EPRS1: variants seen among roughly 807,000 people sequenced by gnomAD.
EPRS1 encodes the protein glutamyl-prolyl-tRNA synthetase 1, also known as bifunctional glutamate/proline--tRNA ligase.
A neutral mutation model predicts 188.3 loss-of-function variants in EPRS1; 107 were observed. The observed-to-expected ratio is 0.57, with a 90% CI of 0.49 to 0.67. The LOEUF is 0.67. Ranked by LOEUF, EPRS1 falls within the 30% of genes least tolerant of loss-of-function variation. EPRS1 has a pLI of 0.00. For synonymous variants in EPRS1, 596 were observed against 593.1 expected, an observed-to-expected ratio of 1.00 and a Z score of -0.07; for missense variants, 1,577 against 1,802.2, an observed-to-expected ratio of 0.88 and a Z score of 2.26.
intron 18 of EPRS1, among the ~76,000 whole-genome samples, chr1:219,993,649 T>C (rs757369077): frequency 6.6e-5 from 10 of 152,200 alleles, no homozygotes; most frequent in Non-Finnish European, 1.3e-4. Flanking sequence ...GAAAACTGAA[T>C]AGTTAAGAAG....
chr1:219,988,792 A>G lies in EPRS1; in HGVS notation c.2573T>C (p.Leu858Pro), dbSNP rs763318858. 1.7e-5 allele frequency: 27 copies of G among 1,610,974 alleles called. No individual in the cohort carries two copies. Residue 858 changes from leucine to proline, a missense_variant, in exon 19 of 32, where the codon CTG becomes CCG. Transcript: ENST00000366923. ...TTCTTTATACTGAGCCTTCAGGGAC[A>G]GTAAGCATTCTACAGCTTCATTTAT... is the stretch of plus-strand genomic sequence containing the variant. ...AKINEAVECL[L>P]SLKAQYKEKT...
At chr1:220,021,643 C>T (rs1661880034) in intron 9 of EPRS1, among the ~76,000 whole-genome samples, 1 of 152,128 alleles carries the variant, frequency 6.6e-6, no homozygotes, top group African/African-American at 2.4e-5. Flanking sequence ...AGGAGTAATC[C>T]TGAGAAAAAT....
At chr1:219,986,783 ATG>A (rs55845197) in intron 20 of EPRS1, among the ~76,000 whole-genome samples, 99 of 150,244 alleles carry the variant, frequency 6.6e-4, no homozygotes, top group African/African-American at 1.7e-3. Flanking sequence ...GAAAATATGT[ATG>A]TGTGTGTGTG....
chr1:220,018,355 A>G, intron 12 of EPRS1, 94 bp downstream of exon 12: 1 of 1,101,240 alleles, frequency 9.1e-7, no homozygotes, highest in Non-Finnish European at 1.4e-6. Context: ...TTCTTCACAA[A>G]CTTTTCTCTA....
intron 6 of EPRS1, among the ~76,000 whole-genome samples, chr1:220,027,892 A>T (rs1662014831): frequency 6.6e-6 from 1 of 151,976 alleles, no homozygotes. Flanking sequence ...GATATCCCAG[A>T]TGAAATCTTA....
intron 18 of EPRS1, among the ~76,000 whole-genome samples, chr1:219,996,585 C>T (rs773546232): frequency 1.3e-5 from 2 of 152,230 alleles, no homozygotes; most frequent in African/African-American, 4.8e-5. Context: ...CATGGTTCCA[C>T]ACTTAAAGAG....
chr1:220,017,173 A>G (rs1279938790), intron 12 of EPRS1, among the ~76,000 whole-genome samples: 1 of 152,166 alleles, frequency 6.6e-6, no homozygotes, highest in Non-Finnish European at 1.5e-5. Context: ...AGACTGTGCC[A>G]TTGCACTCCA....
chr1:220,030,151 A>G (rs1298440928), intron 6 of EPRS1, among the ~76,000 whole-genome samples: 1 of 152,232 alleles, frequency 6.6e-6, no homozygotes, highest in Non-Finnish European at 1.5e-5. Flanking sequence ...AAGTTCTGTC[A>G]GGATAAAACT....
chr1:219,968,749 C>CT lies in EPRS1; in HGVS notation c.*56dup, dbSNP rs1660610618. ...AAAACGGTCTGTATCTGAGAAGATACTAATATCAATGCTTTAAAAAGTGAG... is the reference window on the plus strand; with the variant it reads ...AAAACGGTCTGTATCTGAGAAGATACTTAATATCAATGCTTTAAAAAGTGAG... On this transcript the variant is annotated 3_prime_UTR_variant, in exon 32 of 32. Coordinates refer to ENST00000366923, the MANE Select transcript of EPRS1 (RefSeq NM_004446.3). The CT allele has an allele frequency of 6.5e-7, 1 of 1,534,968 alleles. No individual in the cohort carries two copies. Among genetic ancestry groups the CT allele is most frequent in the African/African-American group, 1.4e-5 (1 of 73,200 alleles).
intron 17 of EPRS1, among the ~76,000 whole-genome samples, chr1:220,000,626 C>T (rs1661332358): frequency 6.6e-6 from 1 of 152,118 alleles, no homozygotes; most frequent in Non-Finnish European, 1.5e-5. Flanking sequence ...TAAAACTTCT[C>T]AATTTTTAGT....
At chr1:220,011,195 T>C in intron 12 of EPRS1, 139 bp from the exon 13 acceptor site, 1 of 535,186 alleles carries the variant, frequency 1.9e-6, no homozygotes. Flanking sequence ...TTAACTCTTT[T>C]CTGATATTTA....
chr1:219,992,781 G>T (rs997352944), intron 18 of EPRS1, among the ~76,000 whole-genome samples: 1 of 152,154 alleles, frequency 6.6e-6, no homozygotes, highest in African/African-American at 2.4e-5. Flanking sequence ...TACAAAATTA[G>T]CCAGGTGTCG....
intron 6 of EPRS1, among the ~76,000 whole-genome samples, chr1:220,026,340 T>C (rs1028070791): frequency 1.3e-5 from 2 of 152,118 alleles, no homozygotes; most frequent in Non-Finnish European, 2.9e-5. Flanking sequence ...CTGTTGATAA[T>C]ATCACACATC....
intron 17 of EPRS1, among the ~76,000 whole-genome samples, chr1:219,998,225 T>C (rs1479946481): frequency 6.6e-5 from 10 of 152,162 alleles, no homozygotes; most frequent in Non-Finnish European, 1.5e-5. Context: ...TTCATCTCTA[T>C]TCCAGAATTC....
chr1:219,988,158 A>G (rs2789797), intron 19 of EPRS1, among the ~76,000 whole-genome samples: 122,760 of 152,140 alleles, frequency 0.81, 49,656 homozygotes, highest in East Asian at 0.94. Context: ...AACAGAATTC[A>G]CACTTAAAGA....
At chr1:220,046,191 G>A in intron 1 of EPRS1, 152 bp downstream of exon 1, 1 of 879,346 alleles carries the variant, frequency 1.1e-6, no homozygotes, top group Admixed American at 2.5e-5. Flanking sequence ...GGGGTGCGGA[G>A]CCTCCTCCAC....
chr1:220,031,149 G>A (rs1662077153), intron 5 of EPRS1, among the ~76,000 whole-genome samples: 1 of 151,824 alleles, frequency 6.6e-6, no homozygotes, highest in Non-Finnish European at 1.5e-5. Context: ...AACAGAGTAG[G>A]TAAGGCACAA....
intron 6 of EPRS1, among the ~76,000 whole-genome samples, chr1:220,026,982 T>C (rs1242631116): frequency 6.6e-6 from 1 of 152,248 alleles, no homozygotes; most frequent in South Asian, 2.1e-4. Context: ...GCATCCCAGA[T>C]CAATGATTCA....
chr1:220,005,817 G>GTTTTTTTTTTT (rs765781858), intron 15 of EPRS1, among the ~76,000 whole-genome samples: 11 of 119,658 alleles, frequency 9.2e-5, no homozygotes, highest in African/African-American at 2.7e-4. Flanking sequence ...TACTTACATC[G>GTTTTTTTTTTT]TTTTTTTTTT....
Sources: allele counts gnomAD v4.1 joint callset (sites outside exome capture counted in the v4.1 genomes callset), GRCh38; gene constraint gnomAD v4.1.1; transcripts MANE v1.5; gene names NCBI Gene and HGNC (gene_info 2026-07-23, HGNC 2026-07-21).